The following FCHSD2 variants were observed in gnomAD, a reference collection of about 807,000 sequenced individuals.
FCHSD2 encodes FCH and double SH3 domains 2, also known as F-BAR and double SH3 domains protein 2.
A neutral mutation model predicts 108.1 loss-of-function variants in FCHSD2; 38 were observed. That is an observed-to-expected ratio of 0.35 (90% CI 0.27 to 0.46). The LOEUF (loss-of-function observed/expected upper bound fraction) is 0.46. FCHSD2 is among the 20% of genes least tolerant of loss of function. FCHSD2 has a pLI of 1.00. For synonymous variants in FCHSD2, 279 were observed against 314.7 expected (o/e 0.89, Z 1.20); for missense variants, 751 against 897.8 (o/e 0.84, Z 2.09).
At chr11:72,991,629 C>A (rs1292519666) in intron 5 of FCHSD2, among the ~76,000 whole-genome samples, 1 of 152,114 alleles carries the variant, frequency 6.6e-6, no homozygotes, top group African/African-American at 2.4e-5. Context: ...TAAACATAAT[C>A]CAGCATATAA....
chr11:72,944,879 C>T (rs1856488325), intron 8 of FCHSD2, among the ~76,000 whole-genome samples: 1 of 152,090 alleles, frequency 6.6e-6, no homozygotes, highest in Non-Finnish European at 1.5e-5. Flanking sequence ...AACTACAAAC[C>T]ACTGCTCAAT....
At chr11:72,889,237 AG>A (rs1855263723) in intron 11 of FCHSD2, among the ~76,000 whole-genome samples, 1 of 152,214 alleles carries the variant, frequency 6.6e-6, no homozygotes, top group Admixed American at 6.5e-5. Flanking sequence ...CTGGGATTAC[AG>A]GCGTGAGCCA....
chr11:73,093,232 A>G (rs1469183381), intron 2 of FCHSD2, among the ~76,000 whole-genome samples: 1 of 152,074 alleles, frequency 6.6e-6, no homozygotes, highest in African/African-American at 2.4e-5. Context: ...ACTCTCTTAG[A>G]CCCTGCCCTG....
intron 4 of FCHSD2, among the ~76,000 whole-genome samples, chr11:73,004,803 G>C (rs957099917): frequency 6.6e-6 from 1 of 152,110 alleles, no homozygotes; most frequent in African/African-American, 2.4e-5. Flanking sequence ...TACCCAGCAA[G>C]GGTACTACAT....
chr11:72,939,122 G>A (rs1323824386), intron 8 of FCHSD2, among the ~76,000 whole-genome samples: 2 of 152,100 alleles, frequency 1.3e-5, no homozygotes, highest in Non-Finnish European at 2.9e-5. Flanking sequence ...AAAAGAATCT[G>A]TTTCCTTATT....
At chr11:73,093,824 C>T (rs911566015) in intron 2 of FCHSD2, among the ~76,000 whole-genome samples, 1 of 152,036 alleles carries the variant, frequency 6.6e-6, no homozygotes, top group East Asian at 2.0e-4. Flanking sequence ...AGGCTGATCT[C>T]GAACTCCCGA....
chr11:72,961,083 G>A (rs1010880405), intron 8 of FCHSD2, among the ~76,000 whole-genome samples: 9 of 152,062 alleles, frequency 5.9e-5, no homozygotes, highest in Non-Finnish European at 1.0e-4. Context: ...GCTTTCCATC[G>A]CCAACATTGT....
intron 19 of FCHSD2, among the ~76,000 whole-genome samples, chr11:72,839,171 A>C (rs960038584): frequency 6.6e-6 from 1 of 152,236 alleles, no homozygotes; most frequent in African/African-American, 2.4e-5. Context: ...GCTGGAAGCA[A>C]GGGAGAGCAA....
chr11:72,988,902 A>G, intron 6 of FCHSD2, 62 bp downstream of exon 6: 1 of 1,415,368 alleles, frequency 7.1e-7, no homozygotes, highest in Non-Finnish European at 9.7e-7. Flanking sequence ...TAGAGAACAA[A>G]CTATTAGCAA....
chr11:73,026,846 C>G (rs1858240895), intron 3 of FCHSD2, among the ~76,000 whole-genome samples: 1 of 152,060 alleles, frequency 6.6e-6, no homozygotes, highest in Non-Finnish European at 1.5e-5. Flanking sequence ...TTGGCACTTC[C>G]CCCTTTGCTC....
At chr11:72,887,402 G>T in intron 12 of FCHSD2, 68 bp downstream of exon 12, 2 of 944,996 alleles carry the variant, frequency 2.1e-6, no homozygotes, top group Non-Finnish European at 3.3e-6. Context: ...CAGTTTTAAA[G>T]ATGTATATCA....
intron 2 of FCHSD2, among the ~76,000 whole-genome samples, chr11:73,139,463 A>G (rs1033357882): frequency 1.4e-4 from 22 of 152,216 alleles, no homozygotes; most frequent in Non-Finnish European, 2.2e-4. Context: ...AAAGATACTG[A>G]TTTTCACAAT....
At chr11:72,842,932 G>A (rs1861006605) in intron 16 of FCHSD2, 91 bp from the exon 17 acceptor site, 1 of 1,014,904 alleles carries the variant, frequency 9.9e-7, no homozygotes, top group African/African-American at 1.6e-5. Context: ...AACTAAAAGA[G>A]CATCATACAG....
intron 10 of FCHSD2, among the ~76,000 whole-genome samples, chr11:72,895,728 G>C (rs982956521): frequency 6.6e-6 from 1 of 152,116 alleles, no homozygotes; most frequent in Non-Finnish European, 1.5e-5. Flanking sequence ...CAACCACTAC[G>C]AACACTTAAC....
intron 5 of FCHSD2, among the ~76,000 whole-genome samples, chr11:72,996,879 G>C (rs1181764024): frequency 6.6e-6 from 1 of 152,214 alleles, no homozygotes; most frequent in Non-Finnish European, 1.5e-5. Flanking sequence ...ACCAAGGTAA[G>C]TCTTAAATTC....
intron 5 of FCHSD2, among the ~76,000 whole-genome samples, chr11:72,994,593 G>A (rs1857486578): frequency 6.6e-6 from 1 of 151,882 alleles, no homozygotes; most frequent in African/African-American, 2.4e-5. Flanking sequence ...GTGAAACCCC[G>A]TCTCTACTAA....
At chr11:73,063,438 A>C (rs1859214121) in intron 3 of FCHSD2, among the ~76,000 whole-genome samples, 1 of 152,214 alleles carries the variant, frequency 6.6e-6, no homozygotes, top group Admixed American at 6.5e-5. Flanking sequence ...ACACATAACA[A>C]TATTAACCTT....
At chr11:73,062,028 G>A (rs1175102355) in intron 3 of FCHSD2, among the ~76,000 whole-genome samples, 2 of 152,202 alleles carry the variant, frequency 1.3e-5, no homozygotes, top group Non-Finnish European at 2.9e-5. Context: ...ACACCTCCCA[G>A]TAGGGGCCAA....
At chr11:72,965,011 A>G (rs7125633) in intron 8 of FCHSD2, among the ~76,000 whole-genome samples, 151,842 of 152,156 alleles carry the variant, frequency 1, 75,766 homozygotes, top group Middle Eastern at 1. Flanking sequence ...GGATGGTCTC[A>G]ATTTCCCAAC....
Sources: gnomAD v4.1 joint callset for allele counts (sites outside exome capture counted in the v4.1 genomes callset) on GRCh38, gnomAD v4.1.1 for gene constraint, MANE v1.5 for transcripts, NCBI Gene and HGNC (gene_info 2026-07-23, HGNC 2026-07-21) for gene names.